CSMD3: variants seen among roughly 807,000 people sequenced by gnomAD.
The protein encoded by CSMD3 is CUB and Sushi multiple domains 3, also known as CUB and sushi domain-containing protein 3.
In CSMD3, 177 loss-of-function variants were observed where a neutral mutation model predicts 435.2. The observed-to-expected ratio is 0.41, with a 90% CI of 0.36 to 0.46. The LOEUF is 0.46. Ranked by LOEUF, CSMD3 falls within the 20% of genes least tolerant of loss-of-function variation. CSMD3 has a pLI of 0.34. For missense variants in CSMD3, 4,265 were observed against 4,504.6 expected, an observed-to-expected ratio of 0.95 and a Z score of 1.52; for synonymous variants, 1,656 against 1,520.5, an observed-to-expected ratio of 1.09 and a Z score of -2.07.
rs1350510846 is a variant in CSMD3, at chr8:112,552,454, C to T, written c.4361+140G>A. On this transcript the variant is annotated intron_variant, in intron 26 of 70. Coordinates refer to ENST00000297405, the MANE Select transcript of CSMD3 (RefSeq NM_198123.2). ...TGAGCCGAGATCGAGCCCTGCCTTC[C>T]GGTCTGGATGTCAGAGCAAGACTCT... 1.5e-5 allele frequency: 12 copies of T among 780,242 alleles called. 1 individual carries two copies. The highest frequency in any genetic ancestry group is 7.6e-4 in the Middle Eastern group (2 of 2,632). The allele number at this position is 780,242 out of a possible 1,614,324, so 48.3% of individuals were successfully genotyped here.
intron 5 of CSMD3, among the ~76,000 whole-genome samples, chr8:113,083,788 T>C (rs902095186): frequency 6.6e-6 from 1 of 152,076 alleles, no homozygotes; most frequent in Non-Finnish European, 1.5e-5. Flanking sequence ...CTGTGCAATG[T>C]GGTCAGACTC....
intron 10 of CSMD3, among the ~76,000 whole-genome samples, chr8:112,911,214 C>T (rs969855954): frequency 2.0e-5 from 3 of 151,846 alleles, no homozygotes; most frequent in African/African-American, 7.2e-5. Flanking sequence ...TCTCTCAAAC[C>T]ATATGACATC....
At chr8:113,357,082 GTGT>G (rs1309659658) in intron 1 of CSMD3, among the ~76,000 whole-genome samples, 2 of 152,096 alleles carry the variant, frequency 1.3e-5, no homozygotes, top group African/African-American at 4.8e-5. Flanking sequence ...TTATGTGTTT[GTGT>G]TGTATTTACA....
intron 2 of CSMD3, among the ~76,000 whole-genome samples, chr8:113,288,654 T>TC (rs2093663017): frequency 6.6e-6 from 1 of 151,840 alleles, no homozygotes; most frequent in African/African-American, 2.4e-5. Flanking sequence ...TTTTACAGTT[T>TC]CCCCACCTTG....
chr8:113,089,920 G>C (rs1343381246), intron 5 of CSMD3, among the ~76,000 whole-genome samples: 1 of 152,056 alleles, frequency 6.6e-6, no homozygotes. Context: ...GACTAACCAT[G>C]ATGACTGTTG....
rs966334474 is a variant in CSMD3, at chr8:112,406,630, A to T, written c.5703T>A (p.Leu1901=). 2 of 1,612,754 alleles carry T rather than the reference A, an allele frequency of 1.2e-6. No individual in the cohort carries two copies. The highest frequency in any genetic ancestry group is 1.7e-6 in the Non-Finnish European group (2 of 1,179,100). The part of the protein sequence containing the change: ...GNEFAVGSSV[L]FDCNPGYILH... ...GAATATATCCTGGATTACAATCAAA[A>T]AGAACCGATGAACCGACTGCAAATT... The change falls in exon 35 of 71, where the codon CTT becomes CTA. Residue 1901 remains leucine, a synonymous_variant. Transcript: ENST00000297405.
At chr8:112,753,117 T>G (rs1056600732) in intron 13 of CSMD3, among the ~76,000 whole-genome samples, 4 of 152,238 alleles carry the variant, frequency 2.6e-5, no homozygotes, top group African/African-American at 9.6e-5. Flanking sequence ...TGTATATTTA[T>G]TTAATTAACA....
At chr8:112,593,481 A>G (rs934225557) in intron 22 of CSMD3, among the ~76,000 whole-genome samples, 22 of 152,196 alleles carry the variant, frequency 1.4e-4, no homozygotes, top group Admixed American at 1.2e-3. Context: ...ATGCTGATGA[A>G]TGTATTTTTG....
chr8:112,284,638 T>G (rs527583056), intron 58 of CSMD3, among the ~76,000 whole-genome samples: 1 of 152,084 alleles, frequency 6.6e-6, no homozygotes, highest in East Asian at 1.9e-4. Flanking sequence ...TAGTGTAAGA[T>G]TGTTCCAAAT....
At chr8:112,408,059 A>G (rs1832014226) in intron 34 of CSMD3, among the ~76,000 whole-genome samples, 1 of 152,026 alleles carries the variant, frequency 6.6e-6, no homozygotes, top group African/African-American at 2.4e-5. Flanking sequence ...AAGGATTGTC[A>G]GGAAAAAAAA....
At chr8:112,594,097 T>C (rs1436920679) in intron 22 of CSMD3, among the ~76,000 whole-genome samples, 1 of 152,106 alleles carries the variant, frequency 6.6e-6, no homozygotes, top group African/African-American at 2.4e-5. Context: ...TGCATTTCCA[T>C]CTGAGGTACC....
At chr8:112,716,779 AC>A (rs1399038235) in intron 13 of CSMD3, among the ~76,000 whole-genome samples, 1 of 152,202 alleles carries the variant, frequency 6.6e-6, no homozygotes, top group Admixed American at 6.5e-5. Flanking sequence ...CCACACATCT[AC>A]AACCATCTGA....
At chr8:113,355,173 TATC>T (rs1172455329) in intron 1 of CSMD3, among the ~76,000 whole-genome samples, 1 of 152,144 alleles carries the variant, frequency 6.6e-6, no homozygotes, top group Non-Finnish European at 1.5e-5. Context: ...CATAAACAAG[TATC>T]ATATTTAACA....
chr8:112,544,571 T>C (rs1458759720), intron 27 of CSMD3, among the ~76,000 whole-genome samples: 2 of 152,234 alleles, frequency 1.3e-5, no homozygotes, highest in Non-Finnish European at 2.9e-5. Context: ...ATAAGTTTTA[T>C]TGAAATGGGA....
intron 17 of CSMD3, among the ~76,000 whole-genome samples, chr8:112,660,490 T>C (rs1350595880): frequency 6.6e-6 from 1 of 152,166 alleles, no homozygotes. Context: ...ATATGGAATA[T>C]AGACAGCCCT....
chr8:112,499,933 A>AC (rs1344948325), intron 30 of CSMD3, among the ~76,000 whole-genome samples: 2 of 151,898 alleles, frequency 1.3e-5, no homozygotes, highest in African/African-American at 4.8e-5. Flanking sequence ...ACATGGTGAA[A>AC]CCCCGTCTCT....
rs571735158 is a variant in CSMD3 at position 112,881,331 on chromosome 8, CATT to C, written c.1634-22068_1634-22066del. On this transcript the variant is annotated intron_variant, in intron 10 of 70. Transcript: ENST00000297405. The stretch of plus-strand genomic sequence containing the variant: ...TTTATTTTTAAACGAATTAAAGGCT[CATT>C]AATACAAGATAATGGAAGGCATGGT... Among the ~76,000 whole-genome samples the C allele has an allele frequency of 1.7e-3, 255 of 152,056 alleles. 9 individuals are homozygous for C. In the South Asian group the frequency reaches 0.049, roughly 29 times the overall value.
intron 22 of CSMD3, among the ~76,000 whole-genome samples, chr8:112,616,326 T>C (rs1833658531): frequency 6.6e-6 from 1 of 152,110 alleles, no homozygotes; most frequent in African/African-American, 2.4e-5. Context: ...TTTAGTGGTA[T>C]TTTTATTTTA....
intron 5 of CSMD3, among the ~76,000 whole-genome samples, chr8:113,047,071 C>G (rs778574450): frequency 6.6e-6 from 1 of 152,168 alleles, no homozygotes; most frequent in African/African-American, 2.4e-5. Context: ...AAAGCCTGGC[C>G]TCCACGGAAG....
Sources: gnomAD v4.1 joint callset for allele counts (sites outside exome capture counted in the v4.1 genomes callset) on GRCh38, gnomAD v4.1.1 for gene constraint, MANE v1.5 for transcripts, NCBI Gene and HGNC (gene_info 2026-07-23, HGNC 2026-07-21) for gene names.